Variants in TENM3 observed in about 807,000 individuals in gnomAD.
The protein encoded by TENM3 is teneurin-3.
In TENM3, 63 loss-of-function variants were observed where a neutral mutation model predicts 255.1. The observed-to-expected ratio is 0.25, with a 90% CI of 0.20 to 0.30. The LOEUF (loss-of-function observed/expected upper bound fraction) is 0.30, where lower values mean the gene tolerates loss of function less well. Ranked by LOEUF, TENM3 falls within the 10% of genes least tolerant of loss-of-function variation. The probability of loss-of-function intolerance (pLI) is 1.00; values close to 1 mark genes in which losing one functional copy is unlikely to be tolerated. For missense variants in TENM3, 2,929 were observed against 3,461.1 expected, an observed-to-expected ratio of 0.85 and a Z score of 3.86; for synonymous variants, 1,306 against 1,322.3, an observed-to-expected ratio of 0.99 and a Z score of 0.27.
intron 2 of TENM3, among the ~76,000 whole-genome samples, chr4:182,324,571 G>T (rs994357642): frequency 1.3e-5 from 2 of 152,180 alleles, no homozygotes; most frequent in African/African-American, 4.8e-5. Context: ...AGTCTCTGGG[G>T]CTCCCTTTTA....
intron 3 of TENM3, among the ~76,000 whole-genome samples, chr4:182,580,400 A>T (rs985889328): frequency 7.9e-5 from 12 of 152,130 alleles, no homozygotes; most frequent in Non-Finnish European, 1.3e-4. Context: ...TTTTGAAAAA[A>T]TACCTCTTCA....
At chr4:182,067,301 A>C in the TENM3 span, among the ~76,000 whole-genome samples, 7 of 152,116 alleles carry the variant, frequency 4.6e-5, no homozygotes, top group Non-Finnish European at 1.0e-4. Context: ...AGACGAACGG[A>C]GTGTTCATGA....
the TENM3 span, among the ~76,000 whole-genome samples, chr4:181,585,410 G>C: frequency 6.6e-6 from 1 of 152,108 alleles, no homozygotes; most frequent in Non-Finnish European, 1.5e-5. Flanking sequence ...ATGTTTGGAG[G>C]AAAGGGATCA....
chr4:181,539,215 G>A, the TENM3 span, among the ~76,000 whole-genome samples: 13 of 152,290 alleles, frequency 8.5e-5, no homozygotes, highest in Admixed American at 2.0e-4. Context: ...AGGAGGGAAC[G>A]TGTTAATGGA....
rs567743972 is a variant in TENM3, at chr4:182,578,556, C to T, written c.512-22368C>T. ...AATACTACATGAGTCTCTCAGCTCA[C>T]ATTCTTAAGAAAATAGTCATCACTT... On this transcript the variant is annotated intron_variant, in intron 3 of 27. Coordinates refer to ENST00000511685, the MANE Select transcript of TENM3 (RefSeq NM_001080477.4). 2.0e-5 allele frequency among the ~76,000 whole-genome samples: 3 copies of T among 152,208 alleles called. No homozygotes were observed. The East Asian group carries it at 5.8e-4, about 29-fold the overall frequency.
chr4:181,561,932 T>TC, the TENM3 span, among the ~76,000 whole-genome samples: 6 of 152,214 alleles, frequency 3.9e-5, no homozygotes, highest in African/African-American at 1.4e-4. Flanking sequence ...ATATACACAT[T>TC]CCCCTGGATC....
chr4:182,611,370 CTAA>C (rs1748985726), intron 4 of TENM3, among the ~76,000 whole-genome samples: 1 of 151,290 alleles, frequency 6.6e-6, no homozygotes. Flanking sequence ...ACTTATTCAT[CTAA>C]TGATGTATTT....
At chr4:181,610,143 G>A in the TENM3 span, among the ~76,000 whole-genome samples, 7 of 152,286 alleles carry the variant, frequency 4.6e-5, 1 homozygote, top group Middle Eastern at 6.8e-3. Context: ...AAATGGAGAC[G>A]AACCACATCA....
the TENM3 span, among the ~76,000 whole-genome samples, chr4:181,491,694 C>A: frequency 6.6e-6 from 1 of 152,054 alleles, no homozygotes; most frequent in African/African-American, 2.4e-5. Context: ...TAATGATTTT[C>A]TTGAAATTCA....
chr4:182,264,570 C>T (rs1054112546), intron 1 of TENM3, among the ~76,000 whole-genome samples: 5 of 152,228 alleles, frequency 3.3e-5, no homozygotes, highest in African/African-American at 1.2e-4. Flanking sequence ...TGCTGTAGCT[C>T]AGTAGCTAAG....
chr4:182,193,952 C>T (rs909544457), intron 1 of TENM3, among the ~76,000 whole-genome samples: 2 of 152,206 alleles, frequency 1.3e-5, no homozygotes, highest in East Asian at 3.9e-4. Flanking sequence ...GTTATTGAAA[C>T]GTTTATAAAT....
the TENM3 span, among the ~76,000 whole-genome samples, chr4:181,988,389 C>T: frequency 6.6e-6 from 1 of 152,010 alleles, no homozygotes; most frequent in African/African-American, 2.4e-5. Flanking sequence ...TGTGGTTATT[C>T]GCCCATTTGG....
intron 3 of TENM3, among the ~76,000 whole-genome samples, chr4:182,504,908 T>A (rs1010192557): frequency 6.6e-6 from 1 of 152,226 alleles, no homozygotes; most frequent in Non-Finnish European, 1.5e-5. Flanking sequence ...ATACAACAGA[T>A]ACTTGGGTAT....
chr4:182,032,446 G>A, the TENM3 span, among the ~76,000 whole-genome samples: 1 of 152,134 alleles, frequency 6.6e-6, no homozygotes, highest in African/African-American at 2.4e-5. Context: ...GCTGGATTTG[G>A]TTTGCCAGTA....
At chr4:181,995,108 G>A in the TENM3 span, among the ~76,000 whole-genome samples, 2 of 152,178 alleles carry the variant, frequency 1.3e-5, no homozygotes, top group South Asian at 4.1e-4. Flanking sequence ...AGCCAACACG[G>A]TGAAACCCTG....
the TENM3 span, among the ~76,000 whole-genome samples, chr4:181,450,204 G>A: frequency 4.3e-3 from 658 of 152,046 alleles, 12 homozygotes; most frequent in East Asian, 4.8e-3. Flanking sequence ...TGATGATTTC[G>A]CCGTAGCAAC....
At chr4:182,791,776 CAAT>C (rs1766121267) in intron 25 of TENM3, among the ~76,000 whole-genome samples, 3 of 151,960 alleles carry the variant, frequency 2.0e-5, no homozygotes, top group African/African-American at 7.3e-5. Flanking sequence ...TGTCTTTATA[CAAT>C]AATATTGTGA....
the TENM3 span, among the ~76,000 whole-genome samples, chr4:181,894,425 T>C: frequency 6.6e-6 from 1 of 152,176 alleles, no homozygotes; most frequent in Non-Finnish European, 1.5e-5. Flanking sequence ...CTGGCGTGAC[T>C]GGCTTCACCA....
chr4:181,758,662 C>CAACTTG, the TENM3 span, among the ~76,000 whole-genome samples: 12 of 152,278 alleles, frequency 7.9e-5, no homozygotes, highest in East Asian at 2.3e-3. Flanking sequence ...TTTGTATACC[C>CAACTTG]AACTTTGAGC....
Sources: gnomAD v4.1 joint callset for allele counts (sites outside exome capture counted in the v4.1 genomes callset) on GRCh38, gnomAD v4.1.1 for gene constraint, MANE v1.5 for transcripts, NCBI Gene and HGNC (gene_info 2026-07-23, HGNC 2026-07-21) for gene names.